The following CDK6 variants were observed in gnomAD, a reference collection of about 807,000 sequenced individuals.
CDK6 encodes cyclin dependent kinase 6.
CDK6 carries 6 observed loss-of-function variants against 37.1 expected under a neutral mutation model. The ratio of observed to expected loss-of-function variants is 0.16; its 90% CI spans 0.09 to 0.32. The LOEUF (loss-of-function observed/expected upper bound fraction) is 0.32. CDK6 is among the 10% of genes least tolerant of loss of function. The pLI, the probability that CDK6 is intolerant of heterozygous loss-of-function variation, is 1.00. For synonymous variants in CDK6, 160 were observed against 161.3 expected (o/e 0.99, Z 0.06); for missense variants, 224 against 418.9 (o/e 0.53, Z 4.06).
chr7:92,618,451 C>G (rs559579887), intron 6 of CDK6, among the ~76,000 whole-genome samples: 2 of 152,074 alleles, frequency 1.3e-5, no homozygotes, highest in African/African-American at 4.8e-5. Flanking sequence ...AGAGATTGCT[C>G]TGGTAGCAGA....
At chr7:92,753,485 A>T (rs948325242) in intron 3 of CDK6, among the ~76,000 whole-genome samples, 1 of 152,034 alleles carries the variant, frequency 6.6e-6, no homozygotes, top group Non-Finnish European at 1.5e-5. Context: ...GCATAAGAAG[A>T]TTATCTTATT....
chr7:92,783,672 G>A (rs1800053254), intron 2 of CDK6, among the ~76,000 whole-genome samples: 1 of 152,106 alleles, frequency 6.6e-6, no homozygotes, highest in African/African-American at 2.4e-5. Flanking sequence ...TGTGGAATGG[G>A]AATCCCCTAA....
intron 3 of CDK6, among the ~76,000 whole-genome samples, chr7:92,735,996 G>T (rs142097140): frequency 6.6e-6 from 1 of 152,080 alleles, no homozygotes; most frequent in African/African-American, 2.4e-5. Context: ...ATTTTTGAAG[G>T]CAGTATGATT....
chr7:92,694,423 C>T (rs908541436), intron 4 of CDK6, among the ~76,000 whole-genome samples: 2 of 152,196 alleles, frequency 1.3e-5, no homozygotes, highest in South Asian at 2.1e-4. Flanking sequence ...GTCAGTGATG[C>T]TGTTCACAGA....
At chr7:92,777,234 GT>G (rs201829615) in intron 2 of CDK6, among the ~76,000 whole-genome samples, 2 of 150,118 alleles carry the variant, frequency 1.3e-5, no homozygotes, top group African/African-American at 2.4e-5. Flanking sequence ...ATTCTTTCTT[GT>G]TTTTTTTTCC....
At chr7:92,615,772 G>A (rs548404982) in intron 7 of CDK6, among the ~76,000 whole-genome samples, 214 of 152,328 alleles carry the variant, frequency 1.4e-3, no homozygotes, top group African/African-American at 4.9e-3. Flanking sequence ...CAGCTCAAGT[G>A]TAGGGCTACC....
chr7:92,833,258 G>T lies in CDK6; in HGVS notation c.66C>A (p.Gly22=), dbSNP rs189208543. The T allele has an allele frequency of 7.4e-5, 119 of 1,610,164 alleles. No individual in the cohort carries two copies. The highest frequency in any genetic ancestry group is 9.9e-5 in the Non-Finnish European group (117 of 1,179,074). The part of the protein sequence containing the change: ...QYECVAEIGE[G]AYGKVFKARD... ...GGGCCTTGAACACCTTCCCATAGGCGCCCTCCCCGATCTCCGCCACGCATT... is the reference window on the plus strand; with the variant it reads ...GGGCCTTGAACACCTTCCCATAGGCTCCCTCCCCGATCTCCGCCACGCATT... Residue 22 remains glycine, a synonymous_variant, in exon 2 of 8, where the codon GGC becomes GGA. Transcript: ENST00000424848. This position sits in a 1 kb window ranked among gnomAD's most constrained non-coding sequence, Gnocchi z 6.1.
chr7:92,686,590 C>G (rs1369099939), intron 4 of CDK6, among the ~76,000 whole-genome samples: 1 of 152,130 alleles, frequency 6.6e-6, no homozygotes, highest in Non-Finnish European at 1.5e-5. Context: ...GCTGCTATAA[C>G]ATGCATGTGC....
chr7:92,690,777 G>A (rs1032561465), intron 4 of CDK6, among the ~76,000 whole-genome samples: 1 of 152,082 alleles, frequency 6.6e-6, no homozygotes, highest in African/African-American at 2.4e-5. Flanking sequence ...AAAAATAAGA[G>A]CTAGTATATC....
chr7:92,649,756 A>G (rs78819882), intron 5 of CDK6, among the ~76,000 whole-genome samples: 2,803 of 152,310 alleles, frequency 0.018, 31 homozygotes, highest in Non-Finnish European at 0.028. Flanking sequence ...AAACCCAGAC[A>G]GTCTGGCTCC....
intron 4 of CDK6, among the ~76,000 whole-genome samples, chr7:92,705,226 T>G (rs1173336330): frequency 6.6e-6 from 1 of 152,246 alleles, no homozygotes; most frequent in East Asian, 1.9e-4. Context: ...TGGTTTTTGC[T>G]TCTGTGAAAA....
chr7:92,713,667 T>TA (rs535072218), intron 4 of CDK6, among the ~76,000 whole-genome samples: 3,353 of 67,200 alleles, frequency 0.05, 50 homozygotes, highest in Admixed American at 0.059. Context: ...TTAAAAAAAG[T>TA]AAAAAAAAAA....
At chr7:92,630,676 T>A (rs1330320367) in intron 5 of CDK6, among the ~76,000 whole-genome samples, 2 of 152,158 alleles carry the variant, frequency 1.3e-5, no homozygotes, top group East Asian at 3.8e-4. Context: ...TATCGCAGGC[T>A]CAACACTCCG....
At chr7:92,642,581 A>G (rs1405115740) in intron 5 of CDK6, among the ~76,000 whole-genome samples, 1 of 152,196 alleles carries the variant, frequency 6.6e-6, no homozygotes, top group Non-Finnish European at 1.5e-5. Flanking sequence ...GTAATTTAAC[A>G]TTATGAACAG....
intron 2 of CDK6, among the ~76,000 whole-genome samples, chr7:92,804,377 A>G (rs1466293033): frequency 6.6e-6 from 1 of 152,024 alleles, no homozygotes; most frequent in East Asian, 1.9e-4. Context: ...AACAACCTTC[A>G]CCGTGGATTC....
intron 5 of CDK6, among the ~76,000 whole-genome samples, chr7:92,656,454 A>G (rs1796701769): frequency 6.6e-6 from 1 of 152,178 alleles, no homozygotes. Context: ...ACATCTTACT[A>G]TTTGTTGTAA....
intron 3 of CDK6, among the ~76,000 whole-genome samples, chr7:92,735,164 G>A (rs575387877): frequency 1.3e-5 from 2 of 152,298 alleles, no homozygotes; most frequent in Admixed American, 1.3e-4. Flanking sequence ...TTACTCCAGT[G>A]TTACTAAGTT....
At chr7:92,757,901 A>T (rs1262928857) in intron 3 of CDK6, among the ~76,000 whole-genome samples, 1 of 152,184 alleles carries the variant, frequency 6.6e-6, no homozygotes, top group Non-Finnish European at 1.5e-5. Context: ...TTCTCTAATG[A>T]TCAGTGATAT....
At chr7:92,760,204 T>C (rs1428098426) in intron 3 of CDK6, among the ~76,000 whole-genome samples, 1 of 152,184 alleles carries the variant, frequency 6.6e-6, no homozygotes, top group Non-Finnish European at 1.5e-5. Context: ...AATTTCTCCA[T>C]AGCCCAATTA....
Sources: gnomAD v4.1 joint callset for allele counts (sites outside exome capture counted in the v4.1 genomes callset) on GRCh38, gnomAD v4.1.1 for gene constraint, Gnocchi (gnomAD v3.1) non-coding constraint, MANE v1.5 for transcripts, NCBI Gene and HGNC (gene_info 2026-07-23, HGNC 2026-07-21) for gene names.